Variants in ISM2 observed in about 807,000 individuals in gnomAD.
ISM2 encodes the protein isthmin 2.
In ISM2, 50 loss-of-function variants were observed where a neutral mutation model predicts 58.0. That is an observed-to-expected ratio of 0.86 (90% CI 0.69 to 1.09). The LOEUF (loss-of-function observed/expected upper bound fraction) is 1.09, where lower values mean the gene tolerates loss of function less well. Ranked by LOEUF, ISM2 falls within the 50% of genes least tolerant of loss-of-function variation. The probability of loss-of-function intolerance (pLI) is 0.00; values close to 1 mark genes in which losing one functional copy is unlikely to be tolerated. For synonymous variants in ISM2, 303 were observed against 312.4 expected (o/e 0.97, Z 0.32); for missense variants, 723 against 745.0 (o/e 0.97, Z 0.34).
intron 4 of ISM2, 87 bp from the exon 5 acceptor site, chr14:77,478,802 G>A: frequency 7.1e-7 from 1 of 1,403,638 alleles, no homozygotes; most frequent in Non-Finnish European, 9.9e-7. Flanking sequence ...CTTTCCTCAG[G>A]TGGATGCAGC....
At chr14:77,484,033 A>G (rs1204417440) in intron 3 of ISM2, 3 of 292,874 alleles carry the variant, frequency 1.0e-5, no homozygotes, top group Non-Finnish European at 1.9e-5. Flanking sequence ...TTTCCCACTC[A>G]CTGGTGCTCA....
At chr14:77,494,971 C>T (rs2139974137) in intron 1 of ISM2, among the ~76,000 whole-genome samples, 1 of 152,256 alleles carries the variant, frequency 6.6e-6, no homozygotes, top group African/African-American at 2.4e-5. Flanking sequence ...GCAACTCTTG[C>T]CTCCTGGGCT....
At chr14:77,479,866 C>T (rs1012733265) in intron 4 of ISM2, among the ~76,000 whole-genome samples, 1 of 151,748 alleles carries the variant, frequency 6.6e-6, no homozygotes, top group Non-Finnish European at 1.5e-5. Context: ...CACCATGTTG[C>T]CCAGGCTGGT....
chr14:77,481,401 T>C (rs1267309194), intron 4 of ISM2, among the ~76,000 whole-genome samples: 1 of 152,182 alleles, frequency 6.6e-6, no homozygotes, highest in African/African-American at 2.4e-5. Context: ...GGTAATATTT[T>C]CTGAACAGTT....
chr14:77,478,533 C>G, intron 5 of ISM2, 42 bp downstream of exon 5: 1 of 1,594,658 alleles, frequency 6.3e-7, no homozygotes, highest in Non-Finnish European at 8.6e-7. Flanking sequence ...CCAGCCTAAG[C>G]CGCACCAGCC....
At position 77,497,192 on chromosome 14, in the gene ISM2, AC is replaced by A. The variant is rs757309188; in HGVS notation, c.141+1460del. Reference sequence around the variant, plus strand: ...AGACCGGCCTGGCCAAGATGGTGAAACCCTGTCTCTACTAAAAATACAAAAA... The same window carrying A: ...AGACCGGCCTGGCCAAGATGGTGAAACCTGTCTCTACTAAAAATACAAAAA... On this transcript the variant is annotated intron_variant, in intron 1 of 6. Coordinates refer to ENST00000342219, the MANE Select transcript of ISM2 (RefSeq NM_199296.3). Among the ~76,000 whole-genome samples, 48 of 151,826 alleles carry A rather than the reference AC, an allele frequency of 3.2e-4. 1 individual carries two copies. The highest frequency in any genetic ancestry group is 2.8e-4 in the Non-Finnish European group (19 of 67,936).
At chr14:77,494,914 C>T (rs1018529791) in intron 1 of ISM2, among the ~76,000 whole-genome samples, 2 of 152,050 alleles carry the variant, frequency 1.3e-5, no homozygotes, top group African/African-American at 4.8e-5. Flanking sequence ...GACAGGGTCT[C>T]GCTTTGTCAC....
chr14:77,488,986 G>A (rs1026102746), intron 1 of ISM2, among the ~76,000 whole-genome samples: 13 of 152,110 alleles, frequency 8.5e-5, no homozygotes, highest in African/African-American at 3.1e-4. Context: ...TTGGGGGGTG[G>A]TGTCACTGCC....
chr14:77,480,660 T>C (rs2079126650), intron 4 of ISM2, among the ~76,000 whole-genome samples: 1 of 148,384 alleles, frequency 6.7e-6, no homozygotes, highest in Non-Finnish European at 1.5e-5. Context: ...CAGGCTCAAG[T>C]GATCCTTCCA....
chr14:77,478,377 C>G, intron 5 of ISM2, 52 bp from the exon 6 acceptor site: 1 of 1,533,980 alleles, frequency 6.5e-7, no homozygotes, highest in Non-Finnish European at 9.0e-7. Context: ...ACCTCAGTGC[C>G]GCTGATGGGG....
chr14:77,476,907 G>A (rs1248720176), intron 6 of ISM2, among the ~76,000 whole-genome samples: 2 of 152,122 alleles, frequency 1.3e-5, no homozygotes, highest in Non-Finnish European at 2.9e-5. Flanking sequence ...GCTTGGTGGC[G>A]CATGCCTGTA....
chr14:77,476,463 G>A (rs1009257921), intron 6 of ISM2, among the ~76,000 whole-genome samples: 1 of 152,138 alleles, frequency 6.6e-6, no homozygotes, highest in Non-Finnish European at 1.5e-5. Context: ...TGGGGTGAGT[G>A]GAGACAGGTA....
At position 77,475,377 on chromosome 14, in the gene ISM2, A is replaced by T; in HGVS notation, c.*218T>A. The stretch of plus-strand genomic sequence containing the variant: ...GCACATTTCCAGGGCTCCCAGGGAC[A>T]CCCACCCTGGGCCCTACATACCCTT... On this transcript the variant is annotated 3_prime_UTR_variant, in exon 7 of 7. Transcript: ENST00000342219. The surrounding 1 kb of genome is among the most constrained non-coding windows in gnomAD (Gnocchi z 4.1). 1 of 449,516 alleles carries T rather than the reference A, an allele frequency of 2.2e-6. No homozygotes were observed. Among genetic ancestry groups the T allele is most frequent in the Non-Finnish European group, 3.9e-6 (1 of 256,924 alleles). 27.8% of individuals were successfully genotyped at this position (449,516 alleles called of 1,614,324 possible).
chr14:77,482,746 G>T, intron 3 of ISM2, 79 bp from the exon 4 acceptor site: 2 of 904,862 alleles, frequency 2.2e-6, no homozygotes, highest in Non-Finnish European at 3.3e-6. Context: ...GATGGGGTCA[G>T]GGTCAGAGGT....
intron 1 of ISM2, chr14:77,498,244 G>T: frequency 7.7e-7 from 1 of 1,296,636 alleles, no homozygotes; most frequent in Non-Finnish European, 1.0e-6. Flanking sequence ...GAACCTCAGC[G>T]GCCCTGGCCC....
chr14:77,498,423 G>C (rs889320628), intron 1 of ISM2: 32 of 1,239,958 alleles, frequency 2.6e-5, no homozygotes, highest in Middle Eastern at 1.9e-4. Flanking sequence ...CACCCGGCTG[G>C]TCCGCGGCAG....
At chr14:77,497,755 G>C (rs576200634) in intron 1 of ISM2, among the ~76,000 whole-genome samples, 1 of 92,534 alleles carries the variant, frequency 1.1e-5, no homozygotes, top group South Asian at 4.0e-4. Flanking sequence ...GGGAGGGAGG[G>C]AGGGAGGGAG....
In ISM2 at chr14:77,484,897, C is replaced by A; in HGVS notation, c.164G>T (p.Arg55Met). 1 of 1,568,808 alleles carries A rather than the reference C, an allele frequency of 6.4e-7. No individual in the cohort carries two copies. The highest frequency in any genetic ancestry group is 1.2e-5 in the South Asian group (1 of 82,176). Residue 55 changes from arginine to methionine, a missense_variant, in exon 2 of 7, where the codon AGG becomes ATG. Coordinates refer to ENST00000342219, the MANE Select transcript of ISM2 (RefSeq NM_199296.3). ...LAEVSASPDP[R>M]PLKEEEEAPL... ...TGCCTCCTCCTCTTCCTTCAGAGGC[C>A]TAGGATCTGGGGAGGCTGAGACCTG...
At position 77,478,309 on chromosome 14, in the gene ISM2, G is replaced by A. The variant is rs761756999; in HGVS notation, c.1131C>T (p.Asp377=). Reference sequence around the variant, plus strand: ...ACTCCTCACTGGGGAGGCCCAAGGTGTCCTTGTCCTCAGTGCCTTTGGGAG... The same window carrying A: ...ACTCCTCACTGGGGAGGCCCAAGGTATCCTTGTCCTCAGTGCCTTTGGGAG... ...LPSCPGTEDK[D]TLGLPSEEWK... The change falls in exon 6 of 7, where the codon GAC becomes GAT. Residue 377 remains aspartate, a synonymous_variant. Coordinates refer to ENST00000342219, the MANE Select transcript of ISM2 (RefSeq NM_199296.3). The A allele has an allele frequency of 3.1e-6, 5 of 1,614,106 alleles. No homozygotes were observed. The East Asian group carries it at 1.1e-4, about 36-fold the overall frequency.
Sources: gnomAD v4.1 joint callset for allele counts (sites outside exome capture counted in the v4.1 genomes callset) on GRCh38, gnomAD v4.1.1 for gene constraint, Gnocchi (gnomAD v3.1) non-coding constraint, MANE v1.5 for transcripts, NCBI Gene and HGNC (gene_info 2026-07-23, HGNC 2026-07-21) for gene names.